The following ERG variants were observed in gnomAD, a reference collection of about 807,000 sequenced individuals.
The protein encoded by ERG is transcriptional regulator ERG.
Under a neutral mutation model 55.3 loss-of-function variants are expected in ERG, and 9 were observed. The ratio of observed to expected loss-of-function variants is 0.16; its 90% CI spans 0.10 to 0.28. ERG has a LOEUF of 0.28. Among genes scored for constraint, ERG ranks in the 10% least tolerant of loss-of-function variants. The pLI is 1.00. For missense variants in ERG, 434 were observed against 631.6 expected (o/e 0.69, Z 3.35); for synonymous variants, 223 against 237.3 (o/e 0.94, Z 0.55).
intron 1 of ERG, among the ~76,000 whole-genome samples, chr21:38,463,335 C>A (rs530500766): frequency 1.3e-3 from 200 of 152,240 alleles, no homozygotes; most frequent in Middle Eastern, 3.4e-3. Flanking sequence ...AAGGCTCATT[C>A]TGCATGTGGT....
intron 1 of ERG, among the ~76,000 whole-genome samples, chr21:38,631,671 G>A (rs190179673): frequency 1.6e-4 from 25 of 151,954 alleles, no homozygotes; most frequent in Admixed American, 1.4e-3. Flanking sequence ...CCTGATTTCC[G>A]TACCGTTTTC....
intron 2 of ERG, among the ~76,000 whole-genome samples, chr21:38,511,664 T>C (rs2059512597): frequency 6.6e-6 from 1 of 152,234 alleles, no homozygotes; most frequent in Admixed American, 6.5e-5. Flanking sequence ...TAAGCAAGAA[T>C]AAATGTGTTA....
chr21:38,467,154 G>A (rs1473605006), intron 1 of ERG, among the ~76,000 whole-genome samples: 1 of 152,124 alleles, frequency 6.6e-6, no homozygotes, highest in Non-Finnish European at 1.5e-5. Context: ...TGTAGTTCAA[G>A]CAGAAACATC....
intron 2 of ERG, among the ~76,000 whole-genome samples, chr21:38,566,237 A>G (rs970148405): frequency 2.0e-5 from 3 of 152,206 alleles, no homozygotes; most frequent in African/African-American, 7.2e-5. Context: ...AAAACCCATA[A>G]TAAGTAGGAC....
chr21:38,528,432 A>AATTTTT, intron 2 of ERG, among the ~76,000 whole-genome samples: 1 of 34,600 alleles, frequency 2.9e-5, no homozygotes, highest in Admixed American at 3.8e-4. Flanking sequence ...GCCATAGCAA[A>AATTTTT]CTTTTTTTTT....
intron 1 of ERG, among the ~76,000 whole-genome samples, chr21:38,635,274 T>C (rs569052328): frequency 2.6e-5 from 4 of 152,112 alleles, no homozygotes; most frequent in East Asian, 1.9e-4. Flanking sequence ...GAGCCTACTA[T>C]AATAGTATAG....
intron 1 of ERG, chr21:38,660,735 C>G (rs1013460385): frequency 2.6e-5 from 4 of 151,850 alleles, no homozygotes; most frequent in Non-Finnish European, 4.4e-5. Context: ...GCGGCCGCCC[C>G]GACGCGCGAC....
chr21:38,441,276 T>A (rs1221536244), intron 2 of ERG, among the ~76,000 whole-genome samples: 2 of 152,210 alleles, frequency 1.3e-5, no homozygotes, highest in East Asian at 3.8e-4. Context: ...AAATGCTAAC[T>A]GAGGTTGTAC....
intron 2 of ERG, among the ~76,000 whole-genome samples, chr21:38,553,543 A>G (rs1480201009): frequency 6.6e-6 from 1 of 152,218 alleles, no homozygotes; most frequent in African/African-American, 2.4e-5. Flanking sequence ...ATCTATAGTC[A>G]TCTAATCTTC....
chr21:38,395,790 C>T (rs1381252389), intron 6 of ERG, among the ~76,000 whole-genome samples: 1 of 152,176 alleles, frequency 6.6e-6, no homozygotes, highest in Non-Finnish European at 1.5e-5. Context: ...CTCCACCACA[C>T]CCTTTTGAAG....
At chr21:38,422,044 C>T (rs1705194136) in intron 3 of ERG, among the ~76,000 whole-genome samples, 1 of 152,066 alleles carries the variant, frequency 6.6e-6, no homozygotes, top group African/African-American at 2.4e-5. Context: ...CATAAACATG[C>T]AATATAATGG....
chr21:38,520,578 C>A (rs2059586853), intron 2 of ERG, among the ~76,000 whole-genome samples: 1 of 152,136 alleles, frequency 6.6e-6, no homozygotes. Flanking sequence ...TTGACACGTT[C>A]TGAAGGTTTT....
At chr21:38,501,633 C>T (rs1036754816), upstream of ERG, among the ~76,000 whole-genome samples, 2 of 152,130 alleles carry the variant, frequency 1.3e-5, no homozygotes, top group Non-Finnish European at 1.5e-5. Context: ...CACACGGCCC[C>T]TACCTGAGGC....
chr21:38,607,031 A>G (rs575282571), intron 1 of ERG, among the ~76,000 whole-genome samples: 1 of 152,330 alleles, frequency 6.6e-6, no homozygotes, highest in South Asian at 2.1e-4. Context: ...CAAAGTATTA[A>G]AAGTGACCAG....
intron 2 of ERG, among the ~76,000 whole-genome samples, chr21:38,568,623 C>T (rs371463338): frequency 3.3e-5 from 5 of 152,330 alleles, no homozygotes; most frequent in African/African-American, 1.2e-4. Flanking sequence ...TGAACAGCAA[C>T]TAGAAACCTG....
intron 2 of ERG, among the ~76,000 whole-genome samples, chr21:38,436,879 C>G (rs1366059125): frequency 8.5e-6 from 1 of 117,598 alleles, no homozygotes; most frequent in Non-Finnish European, 1.8e-5. Context: ...CCTCTTAGTT[C>G]CTTTTTTTTT....
At chr21:38,506,581 T>C (rs1219529552) in intron 2 of ERG, among the ~76,000 whole-genome samples, 2 of 152,184 alleles carry the variant, frequency 1.3e-5, no homozygotes, top group Admixed American at 6.5e-5. Context: ...ATTATACATT[T>C]ACACTGACTT....
the ERG span, among the ~76,000 whole-genome samples, chr21:38,370,493 C>T: frequency 4.0e-5 from 6 of 151,896 alleles, no homozygotes; most frequent in African/African-American, 9.7e-5. Context: ...TTTATAAAAC[C>T]GTTTTGCACC....
chr21:38,373,503 G>GT, the ERG span, among the ~76,000 whole-genome samples: 33 of 152,148 alleles, frequency 2.2e-4, no homozygotes, highest in African/African-American at 7.5e-4. Flanking sequence ...CTGGCTTCCT[G>GT]TTTTTTTCTG....
Sources: allele counts gnomAD v4.1 joint callset (sites outside exome capture counted in the v4.1 genomes callset), GRCh38; gene constraint gnomAD v4.1.1; transcripts MANE v1.5; gene names NCBI Gene and HGNC (gene_info 2026-07-23, HGNC 2026-07-21).